The following CD9 variants were observed in gnomAD, a reference collection of about 807,000 sequenced individuals.
CD9 encodes CD9 molecule, also known as CD9 antigen.
In CD9, 10 loss-of-function variants were observed where a neutral mutation model predicts 31.4. The observed-to-expected ratio is 0.32, with a 90% CI of 0.20 to 0.54. The LOEUF (loss-of-function observed/expected upper bound fraction) is 0.54. Ranked by LOEUF, CD9 falls within the 20% of genes least tolerant of loss-of-function variation. The pLI, the probability that CD9 is intolerant of heterozygous loss-of-function variation, is 0.94. For missense variants in CD9, 259 were observed against 300.1 expected, an observed-to-expected ratio of 0.86 and a Z score of 1.01; for synonymous variants, 113 against 114.1, an observed-to-expected ratio of 0.99 and a Z score of 0.06.
rs374597801 is a variant in CD9, at chr12:6,232,648, C to G, written c.192C>G (p.Ile64Met). Reference sequence around the variant, plus strand: ...CTCCCGCAGGAGTCTATATTCTGATCGGAGCCGGCGCCCTCATGATGCTGG... The same window carrying G: ...CTCCCGCAGGAGTCTATATTCTGATGGGAGCCGGCGCCCTCATGATGCTGG... ...SSFYTGVYIL[I>M]GAGALMMLVG... is the part of the protein sequence containing the mutation. Residue 64 changes from isoleucine to methionine, a missense_variant, in exon 3 of 8, where the codon ATC becomes ATG. Ile to Met is a conservative substitution (Grantham distance 10). Coordinates refer to ENST00000009180, the MANE Select transcript of CD9 (RefSeq NM_001769.4). This position sits in a 1 kb window ranked among gnomAD's most constrained non-coding sequence, Gnocchi z 4.8. 1.3e-6 allele frequency: 2 copies of G among 1,576,204 alleles called. No individual in the cohort carries two copies. The highest frequency in any genetic ancestry group is 1.7e-6 in the Non-Finnish European group (2 of 1,163,168).
intron 1 of CD9, among the ~76,000 whole-genome samples, chr12:6,202,536 A>G (rs1946088627): frequency 6.6e-6 from 1 of 152,232 alleles, no homozygotes; most frequent in African/African-American, 2.4e-5. Flanking sequence ...GGAAACACAG[A>G]CTGCCACAGT....
chr12:6,207,557 G>A lies in CD9; in HGVS notation c.66+6992G>A, dbSNP rs190801098. ...CTTGGCTTAGCTTTTCCCAGAGCTTGGTGCTTCATCTTTGTTCAGGAAGAA... is the reference window on the plus strand; with the variant it reads ...CTTGGCTTAGCTTTTCCCAGAGCTTAGTGCTTCATCTTTGTTCAGGAAGAA... On this transcript the variant is annotated intron_variant, in intron 1 of 7. Transcript: ENST00000009180. Among the ~76,000 whole-genome samples the A allele has an allele frequency of 2.0e-5, 3 of 152,342 alleles. No homozygotes were observed. In the East Asian group the frequency reaches 5.8e-4, roughly 29 times the overall value.
intron 2 of CD9, among the ~76,000 whole-genome samples, chr12:6,231,636 C>G (rs905974034): frequency 1.7e-4 from 26 of 152,334 alleles, no homozygotes; most frequent in Admixed American, 1.2e-3. Flanking sequence ...CAGTGCTGCT[C>G]TACTGTTTGT....
At chr12:6,207,672 G>A (rs1946148032) in intron 1 of CD9, among the ~76,000 whole-genome samples, 1 of 152,200 alleles carries the variant, frequency 6.6e-6, no homozygotes, top group South Asian at 2.1e-4. Flanking sequence ...TGTCTCAGGA[G>A]GGATCATTTG....
intron 1 of CD9, among the ~76,000 whole-genome samples, chr12:6,217,802 G>A (rs1946256776): frequency 6.6e-6 from 1 of 152,180 alleles, no homozygotes; most frequent in African/African-American, 2.4e-5. Context: ...CCCTCCCAAA[G>A]TGGTAGATAT....
chr12:6,220,616 A>G (rs956281813), intron 1 of CD9, among the ~76,000 whole-genome samples: 1 of 152,250 alleles, frequency 6.6e-6, no homozygotes, highest in Non-Finnish European at 1.5e-5. Context: ...AAAGTGGCAG[A>G]GGCAGACCTG....
intron 6 of CD9, 132 bp from the exon 7 acceptor site, chr12:6,236,060 C>A: frequency 6.8e-7 from 1 of 1,468,212 alleles, no homozygotes; most frequent in Non-Finnish European, 9.0e-7. Flanking sequence ...CTTCTCTTAT[C>A]CCCGAACACT....
rs2136640715 is a variant in CD9, at chr12:6,235,784, A to T, written c.537+219A>T. The T allele has an allele frequency of 2.2e-6, 3 of 1,394,942 alleles. No individual in the cohort carries two copies. The East Asian group carries it at 7.8e-5, about 36-fold the overall frequency. The allele number at this position is 1,394,942 out of a possible 1,614,324, so 86.4% of individuals were successfully genotyped here. A position where few individuals can be genotyped will look rare whatever the true frequency, so the allele number is the denominator to read the frequency against. On this transcript the variant is annotated intron_variant, in intron 6 of 7. Transcript: ENST00000009180. ...CCAGGGGAATGACAAGTGTTCTGGC[A>T]CCGCCCACTGCTGCCAGCCCGGAAG...
intron 4 of CD9, among the ~76,000 whole-genome samples, chr12:6,235,008 A>G (rs3181295): frequency 0.67 from 101,894 of 152,048 alleles, 35,418 homozygotes; most frequent in African/African-American, 0.88. Context: ...AGGGAGAAAC[A>G]GCCCGAGTGG....
At chr12:6,233,282 G>A (rs1299840172) in intron 3 of CD9, 130 bp from the exon 4 acceptor site, 1 of 707,154 alleles carries the variant, frequency 1.4e-6, no homozygotes, top group Non-Finnish European at 2.6e-6. Flanking sequence ...GCCCCTGCTA[G>A]GCTATTCATT....
chr12:6,224,011 G>A (rs894127620), intron 1 of CD9, among the ~76,000 whole-genome samples: 2 of 152,138 alleles, frequency 1.3e-5, no homozygotes, highest in East Asian at 1.9e-4. Flanking sequence ...GGCATGTGGC[G>A]TCGTACAGTC....
In CD9 at chr12:6,200,443, G is replaced by A; in HGVS notation, c.-57G>A. ...CCAGCGCCAGGTCCCGCCAGTCCCA[G>A]CTGCGCGCGCCCCCCAGTCCCGCAC... is the stretch of plus-strand genomic sequence containing the variant. On this transcript the variant is annotated 5_prime_UTR_variant, in exon 1 of 8. Transcript: ENST00000009180. 1 of 1,178,652 alleles carries A rather than the reference G, an allele frequency of 8.5e-7. No individual in the cohort carries two copies. Among genetic ancestry groups the A allele is most frequent in the Non-Finnish European group, 1.3e-6 (1 of 787,300 alleles). 73.0% of individuals were successfully genotyped at this position (1,178,652 alleles called of 1,614,324 possible). A position where few individuals can be genotyped will look rare whatever the true frequency, so the allele number is the denominator to read the frequency against.
chr12:6,229,216 TA>T (rs1382173212), intron 2 of CD9, among the ~76,000 whole-genome samples: 2 of 152,196 alleles, frequency 1.3e-5, no homozygotes, highest in East Asian at 3.9e-4. Flanking sequence ...TGAGGGCATC[TA>T]GGGGGGCTCC....
chr12:6,224,121 T>G (rs1157446545), intron 1 of CD9, among the ~76,000 whole-genome samples: 1 of 152,166 alleles, frequency 6.6e-6, no homozygotes, highest in Non-Finnish European at 1.5e-5. Flanking sequence ...CTGGTGGGGC[T>G]TCATGCTGGT....
intron 7 of CD9, 55 bp from the exon 8 acceptor site, chr12:6,237,708 C>A: frequency 7.4e-7 from 1 of 1,359,878 alleles, no homozygotes. Context: ...CCCTTTCCCT[C>A]AGCCTTCCTT....
intron 1 of CD9, chr12:6,225,214 G>A: frequency 3.6e-6 from 2 of 562,222 alleles, no homozygotes; most frequent in Non-Finnish European, 6.3e-6. Context: ...TGGGCGGCAG[G>A]TAGGTCACTG....
chr12:6,226,784 T>G (rs1202877181), intron 2 of CD9, among the ~76,000 whole-genome samples: 2 of 152,250 alleles, frequency 1.3e-5, no homozygotes, highest in African/African-American at 4.8e-5. Context: ...GGAACAGGTT[T>G]CTATAGCGCC....
At chr12:6,233,981 G>C (rs1946484277) in intron 4 of CD9, among the ~76,000 whole-genome samples, 1 of 147,146 alleles carries the variant, frequency 6.8e-6, no homozygotes, top group South Asian at 2.2e-4. Flanking sequence ...TCTAGTATGG[G>C]GAAAAGACAT....
At chr12:6,225,580 A>G in intron 2 of CD9, 46 bp downstream of exon 2, 1 of 1,295,028 alleles carries the variant, frequency 7.7e-7, no homozygotes, top group Non-Finnish European at 1.1e-6. Context: ...TGGCTCCAAC[A>G]AAGTTCCTGC....
Sources: allele counts gnomAD v4.1 joint callset (sites outside exome capture counted in the v4.1 genomes callset), GRCh38; gene constraint gnomAD v4.1.1; non-coding constraint Gnocchi (gnomAD v3.1); transcripts MANE v1.5; gene names NCBI Gene and HGNC (gene_info 2026-07-23, HGNC 2026-07-21).